CEP104: variants seen among roughly 807,000 people sequenced by gnomAD.
CEP104 encodes centrosomal protein of 104 kDa.
In CEP104, 84 loss-of-function variants were observed where a neutral mutation model predicts 113.3. The ratio of observed to expected loss-of-function variants is 0.74; its 90% CI spans 0.62 to 0.89. CEP104 has a LOEUF of 0.89. Among genes scored for constraint, CEP104 ranks in the 40% least tolerant of loss-of-function variants. The pLI, the probability that CEP104 is intolerant of heterozygous loss-of-function variation, is 0.00. For missense variants in CEP104, 1,053 were observed against 1,156.6 expected (o/e 0.91, Z 1.30); for synonymous variants, 378 against 421.7 (o/e 0.90, Z 1.27).
chr1:3,830,951 A>G, intron 13 of CEP104, 95 bp downstream of exon 13: 1 of 1,289,658 alleles, frequency 7.8e-7, no homozygotes, highest in Admixed American at 2.6e-5. Context: ...TGCCTCAGTC[A>G]TTCCTTCAAC....
intron 5 of CEP104, 118 bp from the exon 6 acceptor site, chr1:3,845,101 T>C (rs1644484077): frequency 2.1e-6 from 2 of 944,048 alleles, no homozygotes; most frequent in Non-Finnish European, 3.3e-6. Flanking sequence ...CCTCATCTTT[T>C]GGAGAGACAG....
chr1:3,844,188 C>A (rs1644465430), intron 6 of CEP104, among the ~76,000 whole-genome samples: 1 of 152,200 alleles, frequency 6.6e-6, no homozygotes, highest in East Asian at 1.9e-4. Context: ...TTGATTTTTA[C>A]CATGAATTTG....
At chr1:3,834,194 C>T (rs972939057) in intron 11 of CEP104, among the ~76,000 whole-genome samples, 159 bp from the exon 12 acceptor site, 29 of 152,258 alleles carry the variant, frequency 1.9e-4, no homozygotes, top group African/African-American at 6.8e-4. Context: ...TTTCTAAACA[C>T]AGCACCTTGC....
intron 6 of CEP104, among the ~76,000 whole-genome samples, chr1:3,842,270 C>T (rs938861609): frequency 2.0e-5 from 3 of 151,970 alleles, no homozygotes; most frequent in Non-Finnish European, 2.9e-5. Context: ...TTAGTAGAGA[C>T]GGGGTTTCAC....
chr1:3,834,908 C>T lies in CEP104; in HGVS notation c.1485+17G>A, dbSNP rs574824240. 1 of 1,566,678 alleles carries T rather than the reference C, an allele frequency of 6.4e-7. No individual in the cohort carries two copies. The highest frequency in any genetic ancestry group is 1.2e-5 in the South Asian group (1 of 85,244). ...CATCCATGCACGCTGGAGCCAGCGC[C>T]AGCTGAGGGCACTCACGGAGGTCAC... On this transcript the variant is annotated intron_variant, in intron 11 of 21. Transcript: ENST00000378230.
intron 1 of CEP104, among the ~76,000 whole-genome samples, 192 bp downstream of exon 1, chr1:3,856,697 G>C (rs1218349585): frequency 3.9e-5 from 6 of 152,140 alleles, no homozygotes; most frequent in Non-Finnish European, 8.8e-5. Context: ...ACGGCACGAC[G>C]GGGCCGCGCC....
chr1:3,823,115 CACT>C lies in CEP104; in HGVS notation c.2571+56_2571+58del. On this transcript the variant is annotated intron_variant, in intron 20 of 21. Coordinates refer to ENST00000378230, the MANE Select transcript of CEP104 (RefSeq NM_014704.4). The surrounding 1 kb of genome is among the most constrained non-coding windows in gnomAD (Gnocchi z 4.1). Reference sequence around the variant, plus strand: ...GCACTGACACCACCACTGTCACCACCACTGCCATCCACAGGTGTGTCACCTACT... The same window carrying C: ...GCACTGACACCACCACTGTCACCACCGCCATCCACAGGTGTGTCACCTACT... The C allele has an allele frequency of 6.6e-7, 1 of 1,505,456 alleles. No homozygotes were observed. 93.3% of individuals were successfully genotyped at this position (1,505,456 alleles called of 1,614,324 possible). A position where few individuals can be genotyped will look rare whatever the true frequency, so the allele number is the denominator to read the frequency against.
In CEP104 at chr1:3,844,894, G is replaced by GC. The variant is rs1177785472; in HGVS notation, c.566+12dup. ...AGTAAAAGAAGTTCATTGATGGGGA[G>GC]CAGGACTCTTACCTGGCGTACGTTC... On this transcript the variant is annotated intron_variant, in intron 6 of 21. Transcript: ENST00000378230. 6.2e-7 allele frequency: 1 copy of GC among 1,605,512 alleles called. No individual in the cohort carries two copies. The highest frequency in any genetic ancestry group is 8.5e-7 in the Non-Finnish European group (1 of 1,172,254).
Position 3,852,735 on chromosome 1 carries a change from T to A in CEP104, c.-14-314A>T, listed in dbSNP as rs1398722262. Among the ~76,000 whole-genome samples, 3 of 152,350 alleles carry A rather than the reference T, an allele frequency of 2.0e-5. No homozygotes were observed. In the East Asian group the frequency reaches 5.8e-4, roughly 29 times the overall value. ...ACGTGTGGTACCCGTGAAGGAGACC[T>A]CATTTGAAAATAGGGTCTCTGTGGG... is the stretch of plus-strand genomic sequence containing the variant. On this transcript the variant is annotated intron_variant, in intron 1 of 21. Coordinates refer to ENST00000378230, the MANE Select transcript of CEP104 (RefSeq NM_014704.4).
At position 3,815,417 on chromosome 1, in the gene CEP104, C is replaced by T. The variant is rs371225799; in HGVS notation, c.2763G>A (p.Thr921=). ...GAGCGCCGCGTCAGCGCTTGGCGTA[C>T]GTCCTGCTGGAGCTCTTGCTCAGTC... ...KGGLSKSSSR[T]YAKR is the part of the protein sequence containing the mutation. Residue 921 remains threonine (T), a synonymous_variant, in exon 22 of 22, where the codon ACG becomes ACA. Transcript: ENST00000378230. 32 of 1,611,974 alleles carry T rather than the reference C, an allele frequency of 2.0e-5. No individual in the cohort carries two copies. In the East Asian group the frequency reaches 2.0e-4, roughly 10 times the overall value.
In CEP104 at chr1:3,833,929, G is replaced by A. The variant is rs1299541871; in HGVS notation, c.1592C>T (p.Pro531Leu). 1 of 1,614,168 alleles carries A rather than the reference G, an allele frequency of 6.2e-7. No homozygotes were observed. Among genetic ancestry groups the A allele is most frequent in the South Asian group, 1.1e-5 (1 of 91,092 alleles). The change falls in exon 12 of 22, where the codon CCC becomes CTC. Residue 531 changes from proline (P) to leucine (L), a missense_variant. Coordinates refer to ENST00000378230, the MANE Select transcript of CEP104 (RefSeq NM_014704.4). ...ETAHCVERTIPVLLTRTGDSS... is the reference protein window; with the variant it reads ...ETAHCVERTILVLLTRTGDSS... ...ATCTCCAGTTCTGGTGAGCAAAACG[G>A]GAATGGTCCTCTCCACACAGTGAGC...
intron 8 of CEP104, 93 bp from the exon 9 acceptor site, chr1:3,837,612 CT>C: frequency 5.3e-6 from 6 of 1,137,064 alleles, no homozygotes; most frequent in Non-Finnish European, 7.6e-6. Flanking sequence ...CTTTAGAAAG[CT>C]GTGCTGGAAG....
intron 14 of CEP104, 54 bp from the exon 15 acceptor site, chr1:3,829,427 A>G: frequency 7.8e-7 from 1 of 1,280,160 alleles, no homozygotes; most frequent in South Asian, 1.3e-5. Context: ...AATCTTAGAA[A>G]CTGGGAGACA....
chr1:3,852,027 G>A (rs1340857015), intron 2 of CEP104, among the ~76,000 whole-genome samples: 1 of 152,212 alleles, frequency 6.6e-6, no homozygotes, highest in African/African-American at 2.4e-5. Context: ...TGGTTAGACA[G>A]TTACGGGGCC....
Position 3,819,250 on chromosome 1 carries a change from A to G in CEP104, c.2572-2880T>C, listed in dbSNP as rs969662514. Among the ~76,000 whole-genome samples the G allele has an allele frequency of 1.3e-5, 2 of 152,372 alleles. No homozygotes were observed. Among genetic ancestry groups the G allele is most frequent in the East Asian group, 1.9e-4 (1 of 5,192 alleles). On this transcript the variant is annotated intron_variant, in intron 20 of 21. Coordinates refer to ENST00000378230, the MANE Select transcript of CEP104 (RefSeq NM_014704.4). The surrounding 1 kb of genome is among the most constrained non-coding windows in gnomAD (Gnocchi z 4.6). ...ATAGTGTCTGATTCCATTTACAGGA[A>G]ATGTCCACAGTAGGCAAATCCATGG...
intron 1 of CEP104, among the ~76,000 whole-genome samples, chr1:3,854,545 T>C (rs952798021): frequency 4.6e-5 from 7 of 151,884 alleles, no homozygotes; most frequent in African/African-American, 1.7e-4. Flanking sequence ...CTGGGCTCAT[T>C]GTAACCTCTG....
At position 3,829,884 on chromosome 1, in the gene CEP104, T is replaced by C. The variant is rs150482833; in HGVS notation, c.1950A>G (p.Pro650=). The part of the protein sequence containing the change: ...HQASILEYLP[P]DDSNTRRNIL... Reference sequence around the variant, plus strand: ...TGTTCCTGCGTGTGTTGCTGTCGTCTGGAGGAAGGTACTCCAGGATGGAAG... The same window carrying C: ...TGTTCCTGCGTGTGTTGCTGTCGTCCGGAGGAAGGTACTCCAGGATGGAAG... The change falls in exon 14 of 22, where the codon CCA becomes CCG. Residue 650 remains proline (P), a synonymous_variant. Coordinates refer to ENST00000378230, the MANE Select transcript of CEP104 (RefSeq NM_014704.4). 386 of 1,614,058 alleles carry C rather than the reference T, an allele frequency of 2.4e-4. No homozygotes were observed. The highest frequency in any genetic ancestry group is 3.0e-4 in the Non-Finnish European group (357 of 1,180,024).
intron 9 of CEP104, 32 bp from the exon 10 acceptor site, chr1:3,836,724 G>A (rs773367156): frequency 9.4e-6 from 15 of 1,602,898 alleles, no homozygotes; most frequent in Middle Eastern, 1.7e-4. Context: ...GGAAAGTGCT[G>A]GGGAGCTCCA....
intron 15 of CEP104, among the ~76,000 whole-genome samples, chr1:3,828,509 T>C (rs1165275238): frequency 6.6e-6 from 1 of 152,202 alleles, no homozygotes; most frequent in African/African-American, 2.4e-5. Context: ...ATTTCTTCTT[T>C]TAAAAATCTG....
Sources: gnomAD v4.1 joint callset for allele counts (sites outside exome capture counted in the v4.1 genomes callset) on GRCh38, gnomAD v4.1.1 for gene constraint, Gnocchi (gnomAD v3.1) non-coding constraint, MANE v1.5 for transcripts, NCBI Gene and HGNC (gene_info 2026-07-23, HGNC 2026-07-21) for gene names.